The following TECPR2 variants were observed in gnomAD, a reference collection of about 807,000 sequenced individuals.
TECPR2 encodes the protein tectonin beta-propeller repeat containing 2.
Under a neutral mutation model 138.1 loss-of-function variants are expected in TECPR2, and 65 were observed. The observed-to-expected ratio is 0.47, with a 90% CI of 0.39 to 0.58. The LOEUF is 0.58. TECPR2 is among the 20% of genes least tolerant of loss of function. The pLI is 0.00. For synonymous variants in TECPR2, 746 were observed against 749.8 expected (o/e 0.99, Z 0.08); for missense variants, 1,553 against 1,824.5 (o/e 0.85, Z 2.71).
Position 102,412,821 on chromosome 14 carries a change from G to A in TECPR2, c.481-1815G>A, listed in dbSNP as rs546209735. On this transcript the variant is annotated intron_variant, in intron 4 of 19. Coordinates refer to ENST00000359520, the MANE Select transcript of TECPR2 (RefSeq NM_014844.5). The stretch of plus-strand genomic sequence containing the variant: ...AAAAGTACCTATCCTCTGGCCAGGT[G>A]TGGTGGCTCACACCCGTAATCCCAG... Among the ~76,000 whole-genome samples, 3 of 152,232 alleles carry A rather than the reference G, an allele frequency of 2.0e-5. No individual in the cohort carries two copies. In the South Asian group the frequency reaches 6.2e-4, roughly 32 times the overall value.
intron 17 of TECPR2, among the ~76,000 whole-genome samples, chr14:102,484,228 T>A (rs55717375): frequency 0.034 from 5,168 of 152,196 alleles, 172 homozygotes; most frequent in African/African-American, 0.075. Flanking sequence ...CAACCCTCTG[T>A]CAGATTATTT....
chr14:102,454,198 C>T lies in TECPR2; in HGVS notation c.3640+1571C>T, dbSNP rs538349401. Among the ~76,000 whole-genome samples the T allele has an allele frequency of 1.8e-4, 28 of 152,104 alleles. No homozygotes were observed. The South Asian group carries it at 5.4e-3, about 29-fold the overall frequency. On this transcript the variant is annotated intron_variant, in intron 16 of 19. Coordinates refer to ENST00000359520, the MANE Select transcript of TECPR2 (RefSeq NM_014844.5). Reference sequence around the variant, plus strand: ...GAAAGCAGGAAGAGAAGGGCTTGTTCCCCTTCTCCCCAAGCCCCTGGCTGC... The same window carrying T: ...GAAAGCAGGAAGAGAAGGGCTTGTTTCCCTTCTCCCCAAGCCCCTGGCTGC...
chr14:102,441,823 G>A (rs545780387), intron 11 of TECPR2, among the ~76,000 whole-genome samples: 1 of 152,358 alleles, frequency 6.6e-6, no homozygotes, highest in African/African-American at 2.4e-5. Context: ...AGTGTTTACT[G>A]TCAGCAGAAT....
chr14:102,422,723 G>A (rs548805544), intron 5 of TECPR2, among the ~76,000 whole-genome samples: 2 of 152,304 alleles, frequency 1.3e-5, no homozygotes, highest in South Asian at 4.1e-4. Flanking sequence ...GGCACAAGGG[G>A]GCAGGAAGTG....
rs148647252 is a variant in TECPR2, at chr14:102,452,502, G to A, written c.3515G>A (p.Arg1172His). The change falls in exon 16 of 20, where the codon CGC becomes CAC. Residue 1172 changes from arginine (R) to histidine (H), a missense_variant. Coordinates refer to ENST00000359520, the MANE Select transcript of TECPR2 (RefSeq NM_014844.5). Reference sequence around the variant, plus strand: ...CAGCTGCCTCCCGAAGCCGAGATGCGCGCCTATGCCGCCTGCCAGGATGCG... The same window carrying A: ...CAGCTGCCTCCCGAAGCCGAGATGCACGCCTATGCCGCCTGCCAGGATGCG... ...TVQLPPEAEM[R>H]AYAACQDALW... 9.3e-6 allele frequency: 15 copies of A among 1,613,010 alleles called. No individual in the cohort carries two copies. Among genetic ancestry groups the A allele is most frequent in the Middle Eastern group, 1.6e-4 (1 of 6,084 alleles).
At chr14:102,437,933 T>C (rs1889715155) in intron 9 of TECPR2, 89 bp from the exon 10 acceptor site, 2 of 1,449,420 alleles carry the variant, frequency 1.4e-6, no homozygotes, top group East Asian at 2.3e-5. Flanking sequence ...CTCGTGTTAA[T>C]GATATCCTCT....
intron 2 of TECPR2, among the ~76,000 whole-genome samples, chr14:102,393,935 A>G (rs1212546113): frequency 1.3e-5 from 2 of 152,220 alleles, no homozygotes; most frequent in African/African-American, 4.8e-5. Flanking sequence ...TGACATGGCA[A>G]AATCTCTAGT....
chr14:102,464,467 A>G (rs970553966), intron 16 of TECPR2, among the ~76,000 whole-genome samples: 9 of 151,894 alleles, frequency 5.9e-5, no homozygotes, highest in Non-Finnish European at 1.3e-4. Flanking sequence ...ATCACAGGTC[A>G]CTGCAACCTC....
At chr14:102,444,341 T>A (rs1276147480) in intron 12 of TECPR2, among the ~76,000 whole-genome samples, 1 of 151,842 alleles carries the variant, frequency 6.6e-6, no homozygotes, top group Non-Finnish European at 1.5e-5. Flanking sequence ...TACAGATGCA[T>A]GCCACCATGC....
intron 17 of TECPR2, among the ~76,000 whole-genome samples, chr14:102,470,379 C>T (rs2139776304): frequency 6.6e-6 from 1 of 151,870 alleles, no homozygotes; most frequent in Non-Finnish European, 1.5e-5. Flanking sequence ...GCGATCTCGG[C>T]CCACTGCAAC....
intron 17 of TECPR2, among the ~76,000 whole-genome samples, chr14:102,490,250 G>A (rs556781703): frequency 3.5e-4 from 54 of 152,298 alleles, no homozygotes; most frequent in Admixed American, 2.5e-3. Flanking sequence ...TTGCTCCAGA[G>A]GAAGATGATG....
intron 18 of TECPR2, 72 bp downstream of exon 18, chr14:102,497,192 C>T (rs952958299): frequency 1.2e-4 from 182 of 1,541,504 alleles, no homozygotes; most frequent in Non-Finnish European, 1.4e-4. Context: ...GCTGGGCGCT[C>T]CCTCCAGGCC....
At chr14:102,367,994 CTTTTTTT>C (rs56325877) in intron 1 of TECPR2, among the ~76,000 whole-genome samples, 4 of 65,836 alleles carry the variant, frequency 6.1e-5, no homozygotes, top group Non-Finnish European at 1.1e-4. Context: ...GCTTATTGGC[CTTTTTTT>C]TTTTTTTTTT....
chr14:102,403,776 G>T (rs1221882070), intron 2 of TECPR2, among the ~76,000 whole-genome samples: 1 of 151,996 alleles, frequency 6.6e-6, no homozygotes, highest in Non-Finnish European at 1.5e-5. Flanking sequence ...CACTTAAAAT[G>T]GCATTAAAAA....
At chr14:102,385,373 T>C (rs1204621540) in intron 2 of TECPR2, among the ~76,000 whole-genome samples, 1 of 152,004 alleles carries the variant, frequency 6.6e-6, no homozygotes, top group African/African-American at 2.4e-5. Context: ...CACTGCCACT[T>C]TGGGGATCAG....
At position 102,370,882 on chromosome 14, in the gene TECPR2, AGAG is replaced by A. The variant is rs1427283045; in HGVS notation, c.-72-5760_-72-5758del. Among the ~76,000 whole-genome samples the A allele has an allele frequency of 1.2e-4, 19 of 152,194 alleles. No homozygotes were observed. The East Asian group carries it at 3.5e-3, about 28-fold the overall frequency. On this transcript the variant is annotated intron_variant, in intron 1 of 19. Transcript: ENST00000359520. ...ATGGAGAATCGGGGACATGGAGAGG[AGAG>A]GAGGAGGGATCAGGGATGATGCTCC... is the stretch of plus-strand genomic sequence containing the variant.
chr14:102,370,292 A>G (rs1887467014), intron 1 of TECPR2, among the ~76,000 whole-genome samples: 1 of 152,100 alleles, frequency 6.6e-6, no homozygotes, highest in Admixed American at 6.5e-5. Flanking sequence ...GCTGGTCTCA[A>G]ACTCCTGACC....
chr14:102,373,808 C>T (rs1049564754), intron 1 of TECPR2, among the ~76,000 whole-genome samples: 4 of 152,014 alleles, frequency 2.6e-5, no homozygotes, highest in Non-Finnish European at 4.4e-5. Flanking sequence ...AGGCTGGGCG[C>T]GATGGCTCAC....
intron 2 of TECPR2, among the ~76,000 whole-genome samples, chr14:102,399,694 T>A (rs1270031169): frequency 6.6e-6 from 1 of 151,960 alleles, no homozygotes; most frequent in Non-Finnish European, 1.5e-5. Flanking sequence ...CTAAGTGTGG[T>A]GGCTTGTGCC....
Sources: allele counts gnomAD v4.1 joint callset (sites outside exome capture counted in the v4.1 genomes callset), GRCh38; gene constraint gnomAD v4.1.1; transcripts MANE v1.5; gene names NCBI Gene and HGNC (gene_info 2026-07-23, HGNC 2026-07-21).